The following KCNH5 variants were observed in gnomAD, a reference collection of about 807,000 sequenced individuals.
KCNH5 encodes the protein voltage-gated delayed rectifier potassium channel KCNH5.
KCNH5 carries 46 observed loss-of-function variants against 96.1 expected under a neutral mutation model. That is an observed-to-expected ratio of 0.48 (90% CI 0.38 to 0.61). The LOEUF (loss-of-function observed/expected upper bound fraction) is 0.61. Ranked by LOEUF, KCNH5 falls within the 20% of genes least tolerant of loss-of-function variation. The probability of loss-of-function intolerance (pLI) is 0.00; values close to 1 mark genes in which losing one functional copy is unlikely to be tolerated. For synonymous variants in KCNH5, 439 were observed against 449.8 expected, an observed-to-expected ratio of 0.98 and a Z score of 0.30; for missense variants, 907 against 1,225.8, an observed-to-expected ratio of 0.74 and a Z score of 3.88.
At chr14:62,865,092 G>C (rs1034308661) in intron 7 of KCNH5, among the ~76,000 whole-genome samples, 2 of 152,186 alleles carry the variant, frequency 1.3e-5, no homozygotes, top group Non-Finnish European at 2.9e-5. Context: ...GCAAGAGTAG[G>C]AGTGCTAGGT....
At chr14:62,756,209 T>C (rs1296057256) in intron 10 of KCNH5, among the ~76,000 whole-genome samples, 1 of 151,972 alleles carries the variant, frequency 6.6e-6, no homozygotes, top group Admixed American at 6.6e-5. Flanking sequence ...TTATGATAAC[T>C]ACAAATAAAA....
At chr14:62,743,519 A>G (rs1176824371) in intron 10 of KCNH5, among the ~76,000 whole-genome samples, 6 of 152,224 alleles carry the variant, frequency 3.9e-5, no homozygotes, top group Non-Finnish European at 8.8e-5. Flanking sequence ...TAATTATGTT[A>G]ACTTGTTTTT....
Position 63,018,375 on chromosome 14 carries a change from T to C in KCNH5, c.74-1421A>G, listed in dbSNP as rs1594677627. The stretch of plus-strand genomic sequence containing the variant: ...TGGAGTGATAAACTTCCGCATAATA[T>C]ACCTCAAATCCTTCTTGTGGCCAAA... On this transcript the variant is annotated intron_variant, in intron 1 of 10. Coordinates refer to ENST00000322893, the MANE Select transcript of KCNH5 (RefSeq NM_139318.5). Among the ~76,000 whole-genome samples, 4 of 151,860 alleles carry C rather than the reference T, an allele frequency of 2.6e-5. No homozygotes were observed. In the East Asian group the frequency reaches 5.8e-4, roughly 22 times the overall value.
intron 8 of KCNH5, among the ~76,000 whole-genome samples, chr14:62,817,649 C>T (rs1464763798): frequency 1.3e-5 from 2 of 149,314 alleles, no homozygotes; most frequent in African/African-American, 4.9e-5. Flanking sequence ...GTTTCTTACA[C>T]ATTATTTATG....
rs551118413 is a variant in KCNH5, at chr14:62,849,597, T to G, written c.1569+56A>C. 4.3e-5 allele frequency: 61 copies of G among 1,405,086 alleles called. 1 individual carries two copies. In the African/African-American group the frequency reaches 8.2e-4, roughly 19 times the overall value. The allele number at this position is 1,405,086 out of a possible 1,614,324, so 87.0% of individuals were successfully genotyped here. A position where few individuals can be genotyped will look rare whatever the true frequency, so the allele number is the denominator to read the frequency against. ...GCAATACGTGACTGGAAAAGCTTAA[T>G]GCATCTGAAGATCCTACTAAAATAG... is the stretch of plus-strand genomic sequence containing the variant. On this transcript the variant is annotated intron_variant, in intron 8 of 10. Coordinates refer to ENST00000322893, the MANE Select transcript of KCNH5 (RefSeq NM_139318.5).
At chr14:62,978,235 T>G (rs1436866720) in intron 6 of KCNH5, among the ~76,000 whole-genome samples, 15 of 152,216 alleles carry the variant, frequency 9.9e-5, no homozygotes, top group Non-Finnish European at 2.9e-5. Context: ...AAGCTACCAC[T>G]GTGAGATCAC....
At chr14:62,851,498 T>TAAAAAA (rs35528081) in intron 7 of KCNH5, among the ~76,000 whole-genome samples, 1 of 114,194 alleles carries the variant, frequency 8.8e-6, no homozygotes. Context: ...AGGTCTTTCC[T>TAAAAAA]AAAAAAAAAA....
intron 4 of KCNH5, among the ~76,000 whole-genome samples, chr14:62,994,801 G>C (rs1890877372): frequency 6.6e-6 from 1 of 151,980 alleles, no homozygotes; most frequent in Non-Finnish European, 1.5e-5. Flanking sequence ...ATCTTCAACA[G>C]TAAAATGGAG....
chr14:62,816,713 T>C (rs1422015699), intron 8 of KCNH5, among the ~76,000 whole-genome samples: 2 of 152,048 alleles, frequency 1.3e-5, no homozygotes, highest in South Asian at 2.1e-4. Context: ...AAACAACATA[T>C]GCACCATAAT....
chr14:62,910,941 A>ACACCCCC, intron 7 of KCNH5, among the ~76,000 whole-genome samples: 1 of 140,888 alleles, frequency 7.1e-6, no homozygotes, highest in Admixed American at 7.1e-5. Context: ...ACACACACAC[A>ACACCCCC]CCCCTCTGTT....
At chr14:62,995,087 A>G (rs1045399832) in intron 4 of KCNH5, among the ~76,000 whole-genome samples, 2 of 152,122 alleles carry the variant, frequency 1.3e-5, no homozygotes, top group African/African-American at 4.8e-5. Flanking sequence ...TTATTTTCCC[A>G]GATATGAATC....
chr14:62,808,212 G>T (rs1393450795), intron 8 of KCNH5, among the ~76,000 whole-genome samples: 2 of 152,144 alleles, frequency 1.3e-5, no homozygotes, highest in Non-Finnish European at 2.9e-5. Flanking sequence ...ATTCTAAGAA[G>T]GCCTGGGAAT....
chr14:62,956,830 C>T (rs1410223160), intron 6 of KCNH5, among the ~76,000 whole-genome samples: 1 of 152,120 alleles, frequency 6.6e-6, no homozygotes, highest in Non-Finnish European at 1.5e-5. Context: ...TGTACTTCTG[C>T]CTTTTTTATA....
Position 62,705,663 on chromosome 14 carries a change from T to G in KCNH5, c.*1845A>C, listed in dbSNP as rs757117636. The stretch of plus-strand genomic sequence containing the variant: ...GACTCCTAGATTAAAGAGGCACATC[T>G]TGTGGGCATGTGAAGTTCAATAGAA... On this transcript the variant is annotated 3_prime_UTR_variant, in exon 11 of 11. Transcript: ENST00000322893. The G allele has an allele frequency of 6.6e-6, 1 of 152,044 alleles. No individual in the cohort carries two copies. The highest frequency in any genetic ancestry group is 1.5e-5 in the Non-Finnish European group (1 of 67,910). 9.4% of individuals were successfully genotyped at this position (152,044 alleles called of 1,614,324 possible). A position where few individuals can be genotyped will look rare whatever the true frequency, so the allele number is the denominator to read the frequency against.
intron 7 of KCNH5, among the ~76,000 whole-genome samples, chr14:62,943,871 C>A (rs1889836975): frequency 1.3e-5 from 2 of 152,114 alleles, no homozygotes; most frequent in African/African-American, 2.4e-5. Context: ...CATCAGGCAA[C>A]CCTTCCAATT....
intron 9 of KCNH5, among the ~76,000 whole-genome samples, chr14:62,782,727 C>T (rs537636609): frequency 6.0e-4 from 91 of 152,184 alleles, no homozygotes; most frequent in East Asian, 2.5e-3. Context: ...AGGAGAATGG[C>T]GTGAACCCGG....
At chr14:62,815,404 T>C (rs1305573619) in intron 8 of KCNH5, among the ~76,000 whole-genome samples, 1 of 152,186 alleles carries the variant, frequency 6.6e-6, no homozygotes, top group Non-Finnish European at 1.5e-5. Flanking sequence ...TTATTTATAA[T>C]ATAATTTGTT....
intron 10 of KCNH5, among the ~76,000 whole-genome samples, chr14:62,709,215 A>T (rs1884514706): frequency 7.5e-6 from 1 of 133,716 alleles, no homozygotes; most frequent in African/African-American, 2.8e-5. Context: ...CCTGGGCGAC[A>T]GAACGAGACT....
chr14:62,816,318 GTGTA>G (rs1886977603), intron 8 of KCNH5, among the ~76,000 whole-genome samples: 2 of 151,812 alleles, frequency 1.3e-5, no homozygotes, highest in South Asian at 2.1e-4. Flanking sequence ...ATATATCAGC[GTGTA>G]TGTGTGAAAA....
Sources: gnomAD v4.1 joint callset for allele counts (sites outside exome capture counted in the v4.1 genomes callset) on GRCh38, gnomAD v4.1.1 for gene constraint, MANE v1.5 for transcripts, NCBI Gene and HGNC (gene_info 2026-07-23, HGNC 2026-07-21) for gene names.